TRIM51: variants seen among roughly 807,000 people sequenced by gnomAD.
TRIM51 encodes tripartite motif-containing 51, also known as tripartite motif-containing protein 51.
A neutral mutation model predicts 32.7 loss-of-function variants in TRIM51; 23 were observed. The ratio of observed to expected loss-of-function variants is 0.70; its 90% CI spans 0.51 to 1.00. TRIM51 has a LOEUF of 1.00. Ranked by LOEUF, TRIM51 falls within the 50% of genes least tolerant of loss-of-function variation. The pLI, the probability that TRIM51 is intolerant of heterozygous loss-of-function variation, is 0.00. For missense variants in TRIM51, 592 were observed against 539.2 expected (o/e 1.10, Z -0.97); for synonymous variants, 177 against 181.9 (o/e 0.97, Z 0.22).
Position 55,891,446 on chromosome 11 carries a change from C to G in TRIM51, c.1173C>G (p.Leu391=). The G allele has an allele frequency of 6.2e-7, 1 of 1,613,104 alleles. No homozygotes were observed. Among genetic ancestry groups the G allele is most frequent in the Non-Finnish European group, 8.5e-7 (1 of 1,179,740 alleles). Residue 391 remains leucine, a synonymous_variant, in exon 7 of 7, where the codon CTC becomes CTG. Transcript: ENST00000449290. ...TTAAGGAGGACACTCACTGCAGTCT[C>G]TTTACCACCTCCCCACTTGTGGTGC... The part of the protein sequence containing the change: ...GCVKEDTHCS[L]FTTSPLVVQY...
Position 55,885,670 on chromosome 11 carries a change from G to T in TRIM51, c.242G>T (p.Ser81Ile), listed in dbSNP as rs766996568. 2 of 1,610,878 alleles carry T rather than the reference G, an allele frequency of 1.2e-6. No homozygotes were observed. Among genetic ancestry groups the T allele is most frequent in the Non-Finnish European group, 1.7e-6 (2 of 1,179,342 alleles). Residue 81 changes from serine to isoleucine, a missense_variant, in exon 2 of 7, where the codon AGC becomes ATC. Ser to Ile is a moderately radical substitution (Grantham distance 142). Coordinates refer to ENST00000449290, the MANE Select transcript of TRIM51 (RefSeq NM_032681.4). The stretch of plus-strand genomic sequence containing the variant: ...ATGGCTTTCATTGCCAGAAAAGCCA[G>T]CCTCCGGCAATTCCTTAGCTCTGAG... ...KNMAFIARKA[S>I]LRQFLSSEEQ...
Position 55,891,180 on chromosome 11 carries a change from T to A in TRIM51, c.907T>A (p.Cys303Ser). 3.7e-6 allele frequency: 6 copies of A among 1,602,210 alleles called. No homozygotes were observed. The highest frequency in any genetic ancestry group is 5.1e-6 in the Non-Finnish European group (6 of 1,179,550). ...AAGAGCCAATAGTCATATCTTCCTG[T>A]GTGGAGATTTGAGAAGCATGAATGT... ...PERANSHIFL[C>S]GDLRSMNVGC... Residue 303 changes from cysteine to serine, a missense_variant, in exon 7 of 7, where the codon TGT becomes AGT. By Grantham distance (112) the Cys-to-Ser change is moderately radical. Transcript: ENST00000449290.
intron 6 of TRIM51, 54 bp downstream of exon 6, chr11:55,890,093 T>A: frequency 2.4e-6 from 3 of 1,268,382 alleles, no homozygotes; most frequent in Non-Finnish European, 3.4e-6. Context: ...CTTGTTAGAA[T>A]CATGGGGGTA....
intron 1 of TRIM51, among the ~76,000 whole-genome samples, chr11:55,884,225 C>T (rs866307731): frequency 2.2e-5 from 3 of 135,650 alleles, no homozygotes; most frequent in East Asian, 2.4e-4. Flanking sequence ...AATTGCCTAT[C>T]GTATACCATA....
At chr11:55,886,564 G>C (rs1244585555) in intron 3 of TRIM51, among the ~76,000 whole-genome samples, 1 of 152,130 alleles carries the variant, frequency 6.6e-6, no homozygotes, top group Non-Finnish European at 1.5e-5. Context: ...GAAATTTCAG[G>C]TGACCCTTCT....
Position 55,891,181 on chromosome 11 carries a change from G to T in TRIM51, c.908G>T (p.Cys303Phe). Reference protein sequence around the residue: ...PERANSHIFLCGDLRSMNVGC... With the variant: ...PERANSHIFLFGDLRSMNVGC... Reference sequence around the variant, plus strand: ...AGAGCCAATAGTCATATCTTCCTGTGTGGAGATTTGAGAAGCATGAATGTT... The same window carrying T: ...AGAGCCAATAGTCATATCTTCCTGTTTGGAGATTTGAGAAGCATGAATGTT... The change falls in exon 7 of 7, where the codon TGT becomes TTT. Residue 303 changes from cysteine to phenylalanine, a missense_variant. By Grantham distance (205) the Cys-to-Phe change is radical. Coordinates refer to ENST00000449290, the MANE Select transcript of TRIM51 (RefSeq NM_032681.4). 6.2e-7 allele frequency: 1 copy of T among 1,602,268 alleles called. No homozygotes were observed. The highest frequency in any genetic ancestry group is 1.3e-5 in the African/African-American group (1 of 74,982).
At chr11:55,885,996 A>G in intron 2 of TRIM51, 127 bp from the exon 3 acceptor site, 1 of 1,482,242 alleles carries the variant, frequency 6.7e-7, no homozygotes, top group Non-Finnish European at 9.1e-7. Context: ...GACAAACATG[A>G]GGAGAAACAA....
In TRIM51 at chr11:55,891,264, T is replaced by A. The variant is rs1293900770; in HGVS notation, c.991T>A (p.Trp331Arg). Residue 331 changes from tryptophan (W) to arginine (R), a missense_variant, in exon 7 of 7, where the codon TGG (tryptophan) becomes AGG (arginine). Physicochemically the swap from Trp to Arg is moderately radical, Grantham distance 101. Coordinates refer to ENST00000449290, the MANE Select transcript of TRIM51 (RefSeq NM_032681.4). ...ITGKSECFLV[W>R]GAQAFTSGKY... is the part of the protein sequence containing the mutation. ...TGGAAAATCTGAATGTTTTCTTGTA[T>A]GGGGGGCTCAGGCTTTCACATCTGG... 7 of 1,609,090 alleles carry A rather than the reference T, an allele frequency of 4.4e-6. No individual in the cohort carries two copies. The African/African-American group carries it at 9.4e-5, about 21-fold the overall frequency.
rs772654742 is a variant in TRIM51 at position 55,891,485 on chromosome 11, A to C, written c.1212A>C (p.Arg404Ser). 4 of 1,613,424 alleles carry C rather than the reference A, an allele frequency of 2.5e-6. No homozygotes were observed. The highest frequency in any genetic ancestry group is 3.4e-6 in the Non-Finnish European group (4 of 1,179,732). ...TSPLVVQYVP[R>S]PTSTVGLFLD... is the part of the protein sequence containing the mutation. ...CACTTGTGGTGCAATATGTTCCAAG[A>C]CCTACCAGCACAGTAGGATTATTCC... Residue 404 changes from arginine to serine, a missense_variant, in exon 7 of 7, where the codon AGA (arginine) becomes AGC (serine). Coordinates refer to ENST00000449290, the MANE Select transcript of TRIM51 (RefSeq NM_032681.4).
chr11:55,889,125 C>A (rs890356134), intron 5 of TRIM51, 124 bp downstream of exon 5: 123 of 856,076 alleles, frequency 1.4e-4, no homozygotes, highest in Non-Finnish European at 2.4e-4. Context: ...GTACTTTCTC[C>A]ATCCCCCACC....
chr11:55,889,558 T>C (rs907357850), intron 5 of TRIM51, among the ~76,000 whole-genome samples: 1 of 152,140 alleles, frequency 6.6e-6, no homozygotes. Context: ...TTCAACACCC[T>C]GGCCTTGAGA....
intron 1 of TRIM51, among the ~76,000 whole-genome samples, chr11:55,884,326 ACTGT>A (rs1854548697): frequency 6.6e-6 from 1 of 151,116 alleles, no homozygotes; most frequent in Admixed American, 6.6e-5. Context: ...CAATAACGAG[ACTGT>A]CTAACGCGTC....
intron 2 of TRIM51, 133 bp downstream of exon 2, chr11:55,885,972 C>T: frequency 6.7e-7 from 1 of 1,500,858 alleles, no homozygotes; most frequent in African/African-American, 1.4e-5. Flanking sequence ...CTTGACTTCA[C>T]ACCTCTCAGA....
At chr11:55,889,206 G>C (rs4107304) in intron 5 of TRIM51, among the ~76,000 whole-genome samples, 151,213 of 151,750 alleles carry the variant, frequency 1, 75,340 homozygotes, top group Middle Eastern at 1. Context: ...TTCTGCAAAA[G>C]CAAAAAAATA....
rs748825287 is a variant in TRIM51 at position 55,886,194 on chromosome 11, A to T, written c.483A>T (p.Glu161Asp). 1 of 1,613,572 alleles carries T rather than the reference A, an allele frequency of 6.2e-7. No homozygotes were observed. Among genetic ancestry groups the T allele is most frequent in the South Asian group, 1.1e-5 (1 of 91,074 alleles). ...AAAATCTCAGAAATCTGAACATGGA[A>T]ACCACAAGAACCAGATGCTGGAAGG... ...ACENLRNLNMETTRTRCWKDY... is the reference protein window; with the variant it reads ...ACENLRNLNMDTTRTRCWKDY... The change falls in exon 3 of 7, where the codon GAA becomes GAT. Residue 161 changes from glutamate (E) to aspartate (D), a missense_variant. Physicochemically the swap from Glu to Asp is conservative, Grantham distance 45. Coordinates refer to ENST00000449290, the MANE Select transcript of TRIM51 (RefSeq NM_032681.4).
Position 55,885,843 on chromosome 11 carries a change from A to C in TRIM51, c.411+4A>C. 6.2e-7 allele frequency: 1 copy of C among 1,611,694 alleles called. No individual in the cohort carries two copies. Among genetic ancestry groups the C allele is most frequent in the South Asian group, 1.1e-5 (1 of 90,982 alleles). ...GTGGGCTGCTGAGGAACGCCGGGTA[A>C]GTGATGCCTCTGAAGATCTATTTCT... On this transcript the variant is annotated splice_donor_region_variant and intron_variant, in intron 2 of 6. Coordinates refer to ENST00000449290, the MANE Select transcript of TRIM51 (RefSeq NM_032681.4).
chr11:55,890,459 C>G (rs1854634611), intron 6 of TRIM51, among the ~76,000 whole-genome samples: 1 of 151,930 alleles, frequency 6.6e-6, no homozygotes, highest in Non-Finnish European at 1.5e-5. Flanking sequence ...TACTTTCTTA[C>G]AATAAATATA....
At chr11:55,890,900 C>A (rs1854639002) in intron 6 of TRIM51, among the ~76,000 whole-genome samples, 2 of 152,076 alleles carry the variant, frequency 1.3e-5, no homozygotes, top group Admixed American at 6.5e-5. Context: ...TTATATTCGA[C>A]TCTCAATTTT....
At chr11:55,889,599 T>C (rs1478135111) in intron 5 of TRIM51, among the ~76,000 whole-genome samples, 2 of 152,142 alleles carry the variant, frequency 1.3e-5, no homozygotes, top group African/African-American at 2.4e-5. Flanking sequence ...GTCTTAAAAA[T>C]AACCCCACTT....
Sources: gnomAD v4.1 joint callset for allele counts (sites outside exome capture counted in the v4.1 genomes callset) on GRCh38, gnomAD v4.1.1 for gene constraint, MANE v1.5 for transcripts, NCBI Gene and HGNC (gene_info 2026-07-23, HGNC 2026-07-21) for gene names.